The following SLC2A5 variants were observed in gnomAD, a reference collection of about 807,000 sequenced individuals.
SLC2A5 encodes solute carrier family 2 member 5.
Under a neutral mutation model 50.3 loss-of-function variants are expected in SLC2A5, and 56 were observed. The observed-to-expected ratio is 1.11, with a 90% CI of 0.90 to 1.39. The LOEUF (loss-of-function observed/expected upper bound fraction) is 1.39, where lower values mean the gene tolerates loss of function less well. Ranked by LOEUF, SLC2A5 falls within the 40% of genes most tolerant of loss-of-function variation. SLC2A5 has a pLI of 0.00. For missense variants in SLC2A5, 566 were observed against 650.1 expected (o/e 0.87, Z 1.41); for synonymous variants, 269 against 281.9 (o/e 0.95, Z 0.46).
At chr1:9,070,072 G>GT (rs56828280), upstream of SLC2A5, among the ~76,000 whole-genome samples, 2,358 of 62,508 alleles carry the variant, frequency 0.038, 466 homozygotes, top group African/African-American at 0.092. Context: ...CTCATTTTCT[G>GT]TTTTTTTTTT....
chr1:9,079,941 C>T (rs1052749425), intron 2 of SLC2A5, among the ~76,000 whole-genome samples: 1 of 152,306 alleles, frequency 6.6e-6, no homozygotes, highest in Admixed American at 6.5e-5. Flanking sequence ...GAAACTCCGT[C>T]CCCATTAAAC....
chr1:9,073,055 A>G (rs1190691990), upstream of SLC2A5: 4 of 152,224 alleles, frequency 2.6e-5, no homozygotes, highest in Non-Finnish European at 4.4e-5. Context: ...ACCAGGGCAA[A>G]ATATTGGGTT....
At chr1:9,061,449 T>G (rs576338736) in intron 1 of SLC2A5, among the ~76,000 whole-genome samples, 2 of 147,478 alleles carry the variant, frequency 1.4e-5, no homozygotes, top group Non-Finnish European at 3.0e-5. Flanking sequence ...CCAAAAAAAT[T>G]TTAAAAATTA....
chr1:9,077,210 G>A (rs554948813), intron 2 of SLC2A5, among the ~76,000 whole-genome samples: 3 of 150,974 alleles, frequency 2.0e-5, no homozygotes, highest in African/African-American at 7.2e-5. Context: ...GACTAGTCTG[G>A]CCAAAATGGT....
chr1:9,064,571 G>T (rs1234321880), intron 1 of SLC2A5, among the ~76,000 whole-genome samples: 1 of 152,138 alleles, frequency 6.6e-6, no homozygotes, highest in Non-Finnish European at 1.5e-5. Flanking sequence ...GAAACTTTTT[G>T]GGGGATGTGT....
intron 1 of SLC2A5, among the ~76,000 whole-genome samples, chr1:9,059,166 A>G (rs12354226): frequency 0.69 from 74,480 of 107,348 alleles, 26,990 homozygotes; most frequent in East Asian, 0.95. Flanking sequence ...TTTTTGACAC[A>G]GAGTCTTGCT....
chr1:9,076,871 C>A (rs1017305226), intron 2 of SLC2A5, among the ~76,000 whole-genome samples: 1 of 150,674 alleles, frequency 6.6e-6, no homozygotes, highest in Non-Finnish European at 1.5e-5. Flanking sequence ...CTCACTGCAA[C>A]CTCCGTCTCC....
At chr1:9,072,748 G>A (rs577434597), upstream of SLC2A5, among the ~76,000 whole-genome samples, 6 of 150,124 alleles carry the variant, frequency 4.0e-5, no homozygotes, top group African/African-American at 1.5e-4. Flanking sequence ...TCAGAAGTTC[G>A]AGACCAGCCT....
At chr1:9,072,917 G>A (rs976502072), upstream of SLC2A5, among the ~76,000 whole-genome samples, 9 of 151,496 alleles carry the variant, frequency 5.9e-5, no homozygotes, top group East Asian at 3.9e-4. Flanking sequence ...AGCTGAGATC[G>A]CACTACTACA....
intron 2 of SLC2A5, among the ~76,000 whole-genome samples, chr1:9,080,193 T>A (rs6673460): frequency 6.6e-6 from 1 of 152,220 alleles, no homozygotes; most frequent in Non-Finnish European, 1.5e-5. Flanking sequence ...CCACATCTGG[T>A]TTACCCATTT....
At chr1:9,042,063 G>A in intron 4 of SLC2A5, 126 bp from the exon 5 acceptor site, 1 of 1,284,728 alleles carries the variant, frequency 7.8e-7, no homozygotes, top group Non-Finnish European at 1.0e-6. Context: ...CTGCAAAGGA[G>A]AAAGCAAACA....
At chr1:9,079,312 A>G (rs1057066334) in intron 2 of SLC2A5, among the ~76,000 whole-genome samples, 9 of 152,086 alleles carry the variant, frequency 5.9e-5, no homozygotes, top group Non-Finnish European at 1.2e-4. Flanking sequence ...TTTCTCACCA[A>G]GAACAGAATT....
chr1:9,090,905 AC>A (rs1642456549), upstream of SLC2A5, among the ~76,000 whole-genome samples: 1 of 152,204 alleles, frequency 6.6e-6, no homozygotes, highest in South Asian at 2.1e-4. Flanking sequence ...TATTCAACAC[AC>A]CACCAAGCTT....
At chr1:9,047,446 G>A (rs975243460) in intron 4 of SLC2A5, among the ~76,000 whole-genome samples, 164 bp downstream of exon 4, 1 of 152,124 alleles carries the variant, frequency 6.6e-6, no homozygotes, top group Non-Finnish European at 1.5e-5. Flanking sequence ...GTAAAGCTCT[G>A]CACCTGAGAA....
intron 1 of SLC2A5, among the ~76,000 whole-genome samples, chr1:9,068,027 T>C (rs554617627): frequency 5.7e-4 from 87 of 151,582 alleles, no homozygotes; most frequent in Admixed American, 1.2e-3. Context: ...CCATCTCTAC[T>C]AAAAATACAA....
intron 3 of SLC2A5, chr1:9,049,257 T>C: frequency 2.2e-6 from 1 of 452,164 alleles, no homozygotes; most frequent in Non-Finnish European, 4.5e-6. Context: ...GAGCCGCTTA[T>C]ACTAACAGCA....
intron 3 of SLC2A5, chr1:9,049,074 C>T (rs773278347): frequency 4.0e-5 from 18 of 451,088 alleles, no homozygotes; most frequent in Middle Eastern, 6.5e-4. Context: ...GGAAAGCCTT[C>T]CCATTGAAGT....
intron 1 of SLC2A5, among the ~76,000 whole-genome samples, chr1:9,060,081 CACACT>C (rs1323010869): frequency 7.0e-6 from 1 of 142,882 alleles, no homozygotes; most frequent in African/African-American, 2.7e-5. Flanking sequence ...ACTACACACA[CACACT>C]ACACACACAA....
At chr1:9,080,749 A>T (rs1156989921) in intron 2 of SLC2A5, among the ~76,000 whole-genome samples, 1 of 152,242 alleles carries the variant, frequency 6.6e-6, no homozygotes, top group African/African-American at 2.4e-5. Context: ...GCTTATATAT[A>T]ATGTGAAAAC....
Sources: allele counts gnomAD v4.1 joint callset (sites outside exome capture counted in the v4.1 genomes callset), GRCh38; gene constraint gnomAD v4.1.1; transcripts MANE v1.5; gene names NCBI Gene and HGNC (gene_info 2026-07-23, HGNC 2026-07-21).